Variants in MAGI2 observed in about 807,000 individuals in gnomAD.
The protein encoded by MAGI2 is membrane-associated guanylate kinase, WW and PDZ domain-containing protein 2.
In MAGI2, 35 loss-of-function variants were observed where a neutral mutation model predicts 133.3. The observed-to-expected ratio is 0.26, with a 90% CI of 0.20 to 0.35. MAGI2 has a LOEUF of 0.35. Among genes scored for constraint, MAGI2 ranks in the 10% least tolerant of loss-of-function variants. MAGI2 has a pLI of 1.00. For synonymous variants in MAGI2, 729 were observed against 710.6 expected (o/e 1.03, Z -0.41); for missense variants, 1,636 against 1,863.4 (o/e 0.88, Z 2.25).
intron 20 of MAGI2, among the ~76,000 whole-genome samples, chr7:78,091,874 G>A (rs1817248487): frequency 1.3e-5 from 2 of 152,222 alleles, no homozygotes; most frequent in Admixed American, 6.5e-5. Flanking sequence ...ACATATTCAT[G>A]TGTTGCAAAT....
chr7:78,980,728 C>A (rs1188284064), intron 2 of MAGI2, among the ~76,000 whole-genome samples: 1 of 151,754 alleles, frequency 6.6e-6, no homozygotes, highest in Non-Finnish European at 1.5e-5. Flanking sequence ...TCTTGCAAAC[C>A]ACACCTTGGT....
intron 2 of MAGI2, among the ~76,000 whole-genome samples, chr7:78,853,703 C>A (rs1793376582): frequency 6.6e-6 from 1 of 151,978 alleles, no homozygotes; most frequent in African/African-American, 2.4e-5. Flanking sequence ...TGCTCTGAAT[C>A]TTGCCTTCTA....
At chr7:78,715,130 G>A (rs1819580358) in intron 2 of MAGI2, among the ~76,000 whole-genome samples, 1 of 152,160 alleles carries the variant, frequency 6.6e-6, no homozygotes, top group African/African-American at 2.4e-5. Context: ...TTTGCTTGGA[G>A]GAATCAGGAC....
intron 2 of MAGI2, among the ~76,000 whole-genome samples, chr7:78,838,279 T>G (rs1207923807): frequency 6.6e-6 from 1 of 152,052 alleles, no homozygotes; most frequent in African/African-American, 2.4e-5. Context: ...TCTTGAAAAC[T>G]TGAACACGGC....
intron 2 of MAGI2, chr7:79,006,830 T>C (rs1807498077): frequency 2.9e-6 from 1 of 341,168 alleles, no homozygotes; most frequent in Non-Finnish European, 5.2e-6. Context: ...AATCAATATT[T>C]CTCAATACTA....
intron 2 of MAGI2, chr7:78,904,092 A>G (rs1210535140): frequency 6.6e-6 from 1 of 152,244 alleles, no homozygotes; most frequent in African/African-American, 2.4e-5. Flanking sequence ...GTGCTCAGCC[A>G]GTGGCTGCAG....
chr7:78,481,316 A>G (rs561115129), intron 6 of MAGI2, among the ~76,000 whole-genome samples: 2 of 152,044 alleles, frequency 1.3e-5, no homozygotes, highest in Non-Finnish European at 2.9e-5. Flanking sequence ...TGAGAGGGAG[A>G]GTGTGTGTGA....
intron 10 of MAGI2, among the ~76,000 whole-genome samples, chr7:78,239,048 G>T (rs1367402907): frequency 6.6e-6 from 1 of 151,642 alleles, no homozygotes; most frequent in Non-Finnish European, 1.5e-5. Flanking sequence ...TTCTATCCTG[G>T]ATATCTCTAC....
At chr7:78,192,995 G>T (rs1248401430) in intron 12 of MAGI2, among the ~76,000 whole-genome samples, 1 of 152,126 alleles carries the variant, frequency 6.6e-6, no homozygotes. Flanking sequence ...AGCTCTGGAG[G>T]TTAAGGTGGA....
At chr7:79,335,792 T>C (rs1242723691) in intron 1 of MAGI2, among the ~76,000 whole-genome samples, 2 of 152,104 alleles carry the variant, frequency 1.3e-5, no homozygotes, top group African/African-American at 4.8e-5. Flanking sequence ...CATATTATTT[T>C]AAATGTTCAA....
At chr7:78,044,357 T>A (rs1811174913) in intron 21 of MAGI2, among the ~76,000 whole-genome samples, 1 of 152,168 alleles carries the variant, frequency 6.6e-6, no homozygotes, top group African/African-American at 2.4e-5. Context: ...GGAAGACAGG[T>A]CAGTTGCAAT....
chr7:78,867,617 AC>A (rs1241875680), intron 2 of MAGI2, among the ~76,000 whole-genome samples: 1 of 151,518 alleles, frequency 6.6e-6, no homozygotes, highest in Non-Finnish European at 1.5e-5. Flanking sequence ...GGTGCAGCAC[AC>A]CAGCATGGCA....
chr7:78,636,209 T>A (rs909075354), intron 2 of MAGI2, among the ~76,000 whole-genome samples: 7 of 152,204 alleles, frequency 4.6e-5, no homozygotes, highest in African/African-American at 1.4e-4. Context: ...GTAGTTAATT[T>A]GACTTATTTT....
At position 78,300,626 on chromosome 7, in the gene MAGI2, T is replaced by C. The variant is rs11974828; in HGVS notation, c.1408+43152A>G. Among the ~76,000 whole-genome samples the C allele has an allele frequency of 6.7e-4, 102 of 152,312 alleles. 1 individual carries two copies. Among genetic ancestry groups the C allele is most frequent in the African/African-American group, 2.4e-3 (99 of 41,568 alleles). Reference sequence around the variant, plus strand: ...AAATGGGGAAGAAAGTTGATATGCGTAAGTTAATTTCTCTACTTTCCAAAT... The same window carrying C: ...AAATGGGGAAGAAAGTTGATATGCGCAAGTTAATTTCTCTACTTTCCAAAT... On this transcript the variant is annotated intron_variant, in intron 9 of 21. Coordinates refer to ENST00000354212, the MANE Select transcript of MAGI2 (RefSeq NM_012301.4).
intron 2 of MAGI2, among the ~76,000 whole-genome samples, chr7:78,935,856 C>G (rs1800469606): frequency 6.6e-6 from 1 of 152,074 alleles, no homozygotes; most frequent in Non-Finnish European, 1.5e-5. Context: ...AAGTCTGGCC[C>G]TACATGTCAC....
At chr7:78,867,458 A>G (rs1794656783) in intron 2 of MAGI2, among the ~76,000 whole-genome samples, 2 of 150,970 alleles carry the variant, frequency 1.3e-5, no homozygotes, top group South Asian at 2.1e-4. Flanking sequence ...ACCAAACACC[A>G]CATATTCTCA....
intron 2 of MAGI2, among the ~76,000 whole-genome samples, chr7:78,874,325 A>G (rs1795255245): frequency 6.7e-6 from 1 of 149,882 alleles, no homozygotes; most frequent in Non-Finnish European, 1.5e-5. Flanking sequence ...AGACTAGTAT[A>G]GTCTAGAAAT....
intron 2 of MAGI2, among the ~76,000 whole-genome samples, chr7:79,002,860 A>T (rs940083799): frequency 2.2e-5 from 3 of 133,622 alleles, no homozygotes; most frequent in Non-Finnish European, 3.2e-5. Flanking sequence ...TTTATTGAAA[A>T]GTGTGTGTGT....
chr7:79,363,474 G>A (rs1842493576), intron 1 of MAGI2, among the ~76,000 whole-genome samples: 1 of 150,800 alleles, frequency 6.6e-6, no homozygotes, highest in South Asian at 2.1e-4. Flanking sequence ...CTATTCTAAA[G>A]TTTATATGGA....
Sources: gnomAD v4.1 joint callset for allele counts (sites outside exome capture counted in the v4.1 genomes callset) on GRCh38, gnomAD v4.1.1 for gene constraint, MANE v1.5 for transcripts, NCBI Gene and HGNC (gene_info 2026-07-23, HGNC 2026-07-21) for gene names.